Variants in GPC5 observed in about 807,000 individuals in gnomAD.
GPC5 encodes the protein glypican-5.
Under a neutral mutation model 53.9 loss-of-function variants are expected in GPC5, and 47 were observed. The observed-to-expected ratio is 0.87, with a 90% CI of 0.69 to 1.11. The LOEUF is 1.11. Among genes scored for constraint, GPC5 ranks in the 50% most tolerant of loss-of-function variants. The pLI is 0.00. For synonymous variants in GPC5, 286 were observed against 263.3 expected (o/e 1.09, Z -0.84); for missense variants, 748 against 713.1 (o/e 1.05, Z -0.56).
chr13:92,397,494 T>C (rs1875338274), intron 7 of GPC5, among the ~76,000 whole-genome samples: 1 of 152,262 alleles, frequency 6.6e-6, no homozygotes, highest in African/African-American at 2.4e-5. Flanking sequence ...GACTCAGGTA[T>C]GTTTTTATTA....
At chr13:91,464,891 G>A (rs1882144281) in intron 2 of GPC5, among the ~76,000 whole-genome samples, 1 of 152,092 alleles carries the variant, frequency 6.6e-6, no homozygotes, top group African/African-American at 2.4e-5. Context: ...TCCTGGTTTT[G>A]ATACTGTACT....
At chr13:92,082,228 T>A (rs1241847701) in intron 6 of GPC5, among the ~76,000 whole-genome samples, 1 of 152,162 alleles carries the variant, frequency 6.6e-6, no homozygotes, top group African/African-American at 2.4e-5. Context: ...ATGATACTCT[T>A]CAACAATATT....
chr13:92,804,665 T>C (rs545277766), intron 7 of GPC5, among the ~76,000 whole-genome samples: 38 of 152,088 alleles, frequency 2.5e-4, no homozygotes, highest in African/African-American at 8.2e-4. Context: ...CTGTGGCAAT[T>C]TCTTAAAATG....
chr13:92,187,230 G>C (rs972327011), intron 7 of GPC5, among the ~76,000 whole-genome samples: 1 of 152,192 alleles, frequency 6.6e-6, no homozygotes, highest in African/African-American at 2.4e-5. Context: ...TCCACTTTAA[G>C]AATGGATTGC....
At chr13:92,694,241 A>G (rs919180848) in intron 7 of GPC5, among the ~76,000 whole-genome samples, 7 of 152,184 alleles carry the variant, frequency 4.6e-5, no homozygotes, top group African/African-American at 1.7e-4. Context: ...AAGAGGAAAA[A>G]TGTGTAGGTT....
At chr13:92,702,002 T>A (rs563270341) in intron 7 of GPC5, among the ~76,000 whole-genome samples, 12 of 151,682 alleles carry the variant, frequency 7.9e-5, no homozygotes, top group African/African-American at 2.9e-4. Context: ...ATTTCAAAGA[T>A]GTAGGTAACT....
At chr13:92,251,815 T>C (rs1015883809) in intron 7 of GPC5, among the ~76,000 whole-genome samples, 6 of 152,138 alleles carry the variant, frequency 3.9e-5, no homozygotes, top group Non-Finnish European at 8.8e-5. Flanking sequence ...CCATTCCTAA[T>C]AGCCCCAAAT....
intron 7 of GPC5, among the ~76,000 whole-genome samples, chr13:92,638,162 T>C (rs2139144200): frequency 6.6e-6 from 1 of 152,204 alleles, no homozygotes; most frequent in East Asian, 1.9e-4. Flanking sequence ...TTTCAGAAAA[T>C]AATGTATGAA....
At chr13:92,656,038 A>G (rs1463530516) in intron 7 of GPC5, among the ~76,000 whole-genome samples, 2 of 152,208 alleles carry the variant, frequency 1.3e-5, no homozygotes, top group African/African-American at 4.8e-5. Context: ...AATGAAATAT[A>G]CAATGAAAAG....
chr13:91,952,632 G>C (rs532089924), intron 6 of GPC5, among the ~76,000 whole-genome samples: 60 of 152,258 alleles, frequency 3.9e-4, no homozygotes, highest in Non-Finnish European at 6.8e-4. Flanking sequence ...GTATATGCTT[G>C]AGAAGTGTAG....
intron 7 of GPC5, among the ~76,000 whole-genome samples, chr13:92,173,597 A>G (rs1301706914): frequency 6.6e-6 from 1 of 152,230 alleles, no homozygotes; most frequent in African/African-American, 2.4e-5. Context: ...TTGGTTTAAT[A>G]AAGTGTTCTT....
chr13:91,659,225 A>G (rs2034923304), intron 2 of GPC5, among the ~76,000 whole-genome samples: 1 of 152,230 alleles, frequency 6.6e-6, no homozygotes, highest in Non-Finnish European at 1.5e-5. Context: ...ACAAATGCAT[A>G]GAAAAACCAG....
At chr13:91,644,975 A>G (rs2034524082) in intron 2 of GPC5, among the ~76,000 whole-genome samples, 1 of 152,236 alleles carries the variant, frequency 6.6e-6, no homozygotes, top group African/African-American at 2.4e-5. Flanking sequence ...TAAATGATTG[A>G]AGTTCAGTGG....
At chr13:91,912,133 A>G (rs2039615657) in intron 6 of GPC5, among the ~76,000 whole-genome samples, 1 of 152,214 alleles carries the variant, frequency 6.6e-6, no homozygotes, top group Admixed American at 6.5e-5. Flanking sequence ...ATCATACAAA[A>G]AATTGTATTG....
chr13:91,918,660 T>C (rs1056619155), intron 6 of GPC5, among the ~76,000 whole-genome samples: 29 of 152,150 alleles, frequency 1.9e-4, no homozygotes, highest in Non-Finnish European at 7.4e-5. Flanking sequence ...TTTTCTTTTT[T>C]CTTTTCAGAA....
intron 6 of GPC5, among the ~76,000 whole-genome samples, chr13:91,993,942 A>T (rs1005058312): frequency 6.6e-6 from 1 of 152,244 alleles, no homozygotes; most frequent in African/African-American, 2.4e-5. Context: ...ATGTGCAGAG[A>T]AAGTAAGCCA....
At chr13:92,758,887 T>C (rs1173027167) in intron 7 of GPC5, among the ~76,000 whole-genome samples, 1 of 152,028 alleles carries the variant, frequency 6.6e-6, no homozygotes, top group Admixed American at 6.6e-5. Context: ...CTTTTATCCA[T>C]TTTGAGTTGA....
intron 7 of GPC5, among the ~76,000 whole-genome samples, chr13:92,861,955 T>A (rs542561245): frequency 1.3e-5 from 2 of 152,320 alleles, no homozygotes; most frequent in East Asian, 3.9e-4. Context: ...AACTCTCCTC[T>A]CTTACTGAAA....
chr13:92,319,400 T>C (rs1482990078), intron 7 of GPC5, among the ~76,000 whole-genome samples: 1 of 128,928 alleles, frequency 7.8e-6, no homozygotes, highest in Non-Finnish European at 1.6e-5. Flanking sequence ...TGATAATGCA[T>C]CTCTGAAACT....
Sources: gnomAD v4.1 joint callset for allele counts (sites outside exome capture counted in the v4.1 genomes callset) on GRCh38, gnomAD v4.1.1 for gene constraint, MANE v1.5 for transcripts, NCBI Gene and HGNC (gene_info 2026-07-23, HGNC 2026-07-21) for gene names.